Variants in SCOC observed in about 807,000 individuals in gnomAD.
SCOC encodes the protein short coiled-coil protein, also known as short coiled coil protein.
A neutral mutation model predicts 9.9 loss-of-function variants in SCOC; 7 were observed. The ratio of observed to expected loss-of-function variants is 0.71; its 90% CI spans 0.40 to 1.33. The LOEUF is 1.33. Among genes scored for constraint, SCOC ranks in the 40% most tolerant of loss-of-function variants. The pLI, the probability that SCOC is intolerant of heterozygous loss-of-function variation, is 0.01. For missense variants in SCOC, 66 were observed against 89.7 expected, an observed-to-expected ratio of 0.74 and a Z score of 1.07; for synonymous variants, 19 against 28.2, an observed-to-expected ratio of 0.67 and a Z score of 1.03.
intron 1 of SCOC, among the ~76,000 whole-genome samples, chr4:140,316,286 C>A (rs527929460): frequency 6.6e-6 from 1 of 152,114 alleles, no homozygotes; most frequent in Non-Finnish European, 1.5e-5. Context: ...TGGGTCAGAT[C>A]GGGGACAGTT....
chr4:140,357,801 T>A (rs190506648), intron 2 of SCOC, among the ~76,000 whole-genome samples: 48 of 152,342 alleles, frequency 3.2e-4, no homozygotes, highest in Non-Finnish European at 5.4e-4. Flanking sequence ...GTAGTTGGTA[T>A]TATTTTCGTC....
intron 2 of SCOC, among the ~76,000 whole-genome samples, chr4:140,347,458 CT>C (rs1262640043): frequency 6.6e-6 from 1 of 152,188 alleles, no homozygotes; most frequent in African/African-American, 2.4e-5. Flanking sequence ...TTCCACTCCC[CT>C]GGCTTTGATG....
chr4:140,366,984 T>C, intron 2 of SCOC: 1 of 433,186 alleles, frequency 2.3e-6, no homozygotes, highest in South Asian at 2.3e-5. Flanking sequence ...GGTGGGTGGA[T>C]CGCTTGAGGT....
chr4:140,264,961 C>T (rs998298922), intron 1 of SCOC, among the ~76,000 whole-genome samples: 3 of 152,160 alleles, frequency 2.0e-5, no homozygotes, highest in South Asian at 2.1e-4. Flanking sequence ...AAGGCCTCTA[C>T]GCATCATGAG....
At chr4:140,345,570 A>G (rs554681598) in intron 2 of SCOC, among the ~76,000 whole-genome samples, 17 of 152,358 alleles carry the variant, frequency 1.1e-4, no homozygotes, top group Non-Finnish European at 2.1e-4. Flanking sequence ...AAAACAAATT[A>G]TTATAAAAAA....
At chr4:140,379,534 C>T (rs1728482803) in intron 2 of SCOC, 35 bp from the exon 3 acceptor site, 1 of 1,450,918 alleles carries the variant, frequency 6.9e-7, no homozygotes, top group Non-Finnish European at 9.7e-7. Flanking sequence ...GTACCTAATG[C>T]TAATTAATAG....
At chr4:140,281,118 C>T (rs1731086520) in intron 1 of SCOC, among the ~76,000 whole-genome samples, 1 of 152,086 alleles carries the variant, frequency 6.6e-6, no homozygotes, top group Admixed American at 6.5e-5. Flanking sequence ...AGAGTCTGTC[C>T]TGGAGCAGGC....
intron 1 of SCOC, chr4:140,343,616 A>G (rs750450831): frequency 4.3e-5 from 69 of 1,601,314 alleles, no homozygotes; most frequent in Non-Finnish European, 5.4e-5. Context: ...TTTTCTTACT[A>G]ACAGGTCTGA....
At chr4:140,373,758 G>A (rs529516214) in intron 1 of SCOC, 41 bp downstream of exon 1, 3 of 1,524,574 alleles carry the variant, frequency 2.0e-6, no homozygotes, top group Admixed American at 2.0e-5. Flanking sequence ...GGCCCCAGGC[G>A]ACTAGAGCTG....
In SCOC at chr4:140,292,621, C is replaced by A. The variant is rs75428150; in HGVS notation, c.-19+35211C>A. Among the ~76,000 whole-genome samples the A allele has an allele frequency of 5.2e-3, 791 of 152,286 alleles. 5 individuals are homozygous for A. Among genetic ancestry groups the A allele is most frequent in the African/African-American group, 0.016 (664 of 41,560 alleles). ...GCTGAAATTTCATCTTAGTTATTGG[C>A]CTGGAAGCCAGAATAAGAGATGGGA... On this transcript the variant is annotated intron_variant, in intron 1 of 4. Transcript: ENST00000394205.
chr4:140,371,084 A>C (rs2126580427), upstream of SCOC, among the ~76,000 whole-genome samples: 1 of 151,988 alleles, frequency 6.6e-6, no homozygotes, highest in South Asian at 2.1e-4. Flanking sequence ...ACGGGGTTTC[A>C]CCGTGTTAGC....
intron 1 of SCOC, among the ~76,000 whole-genome samples, chr4:140,336,652 A>C (rs562708784): frequency 7.9e-5 from 12 of 152,170 alleles, no homozygotes; most frequent in African/African-American, 2.7e-4. Flanking sequence ...GGTTTTTTCT[A>C]CCTTTTGGCT....
At chr4:140,275,158 C>T (rs768661710) in intron 1 of SCOC, among the ~76,000 whole-genome samples, 5 of 152,198 alleles carry the variant, frequency 3.3e-5, no homozygotes, top group South Asian at 2.1e-4. Flanking sequence ...CATTTTTACT[C>T]CAGTCTATCT....
rs1728663810 is a variant in SCOC at position 140,385,275 on chromosome 4, A to G, written c.*4171A>G. 1 of 152,218 alleles carries G rather than the reference A, an allele frequency of 6.6e-6. No homozygotes were observed. Among genetic ancestry groups the G allele is most frequent in the African/African-American group, 2.4e-5 (1 of 41,452 alleles). The allele number at this position is 152,218 out of a possible 1,614,324, so 9.4% of individuals were successfully genotyped here. On this transcript the variant is annotated 3_prime_UTR_variant, in exon 4 of 4. Transcript: ENST00000608372. Reference sequence around the variant, plus strand: ...AGTTTTCCAGATTTTATAAAATATTATGACTCAGACACCAATATGGTTTGG... The same window carrying G: ...AGTTTTCCAGATTTTATAAAATATTGTGACTCAGACACCAATATGGTTTGG...
upstream of SCOC, among the ~76,000 whole-genome samples, chr4:140,371,120 C>G (rs1011104853): frequency 1.6e-4 from 25 of 152,092 alleles, no homozygotes; most frequent in African/African-American, 5.8e-4. Flanking sequence ...CTCCTGACCT[C>G]GTGATCCACC....
chr4:140,351,382 C>A (rs1726970563), intron 2 of SCOC, among the ~76,000 whole-genome samples: 1 of 151,488 alleles, frequency 6.6e-6, no homozygotes, highest in Non-Finnish European at 1.5e-5. Context: ...TATAATGAAG[C>A]CACTCTTTCC....
intron 1 of SCOC, among the ~76,000 whole-genome samples, chr4:140,268,899 G>C (rs919882616): frequency 6.6e-6 from 1 of 152,162 alleles, no homozygotes. Context: ...ACTGTATAAT[G>C]AACGTGCAAT....
At chr4:140,275,339 T>A (rs1430788514) in intron 1 of SCOC, among the ~76,000 whole-genome samples, 2 of 152,232 alleles carry the variant, frequency 1.3e-5, no homozygotes, top group Non-Finnish European at 2.9e-5. Flanking sequence ...TCTTTGCACA[T>A]AGCTGCAGCC....
intron 1 of SCOC, among the ~76,000 whole-genome samples, chr4:140,311,228 C>T (rs1732147722): frequency 6.6e-6 from 1 of 152,250 alleles, no homozygotes; most frequent in South Asian, 2.1e-4. Flanking sequence ...AGACCCCTAT[C>T]TCTTAAAAAT....
Sources: allele counts gnomAD v4.1 joint callset (sites outside exome capture counted in the v4.1 genomes callset), GRCh38; gene constraint gnomAD v4.1.1; transcripts MANE v1.5; gene names NCBI Gene and HGNC (gene_info 2026-07-23, HGNC 2026-07-21).